Variants in HIPK2 observed in about 807,000 individuals in gnomAD.
HIPK2 encodes the protein homeodomain interacting protein kinase 2, also known as homeodomain-interacting protein kinase 2.
A neutral mutation model predicts 113.7 loss-of-function variants in HIPK2; 27 were observed. The ratio of observed to expected loss-of-function variants is 0.24; its 90% confidence interval spans 0.17 to 0.33. The LOEUF is 0.33. Ranked by LOEUF, HIPK2 falls within the 10% of genes least tolerant of loss-of-function variation. The pLI is 1.00. For synonymous variants in HIPK2, 631 were observed against 642.2 expected, an observed-to-expected ratio of 0.98 and a Z score of 0.26; for missense variants, 1,257 against 1,588.0, an observed-to-expected ratio of 0.79 and a Z score of 3.54.
chr7:139,610,512 A>G (rs1463075970), intron 9 of HIPK2, among the ~76,000 whole-genome samples: 1 of 152,214 alleles, frequency 6.6e-6, no homozygotes, highest in Non-Finnish European at 1.5e-5. Flanking sequence ...TTGGAGAGAG[A>G]GGAACGAAGA....
chr7:139,695,889 G>A (rs1369222371), intron 2 of HIPK2, among the ~76,000 whole-genome samples: 2 of 152,144 alleles, frequency 1.3e-5, no homozygotes, highest in Non-Finnish European at 1.5e-5. Context: ...TTGGGGGAAG[G>A]GCCTAGTTCT....
At chr7:139,587,572 C>T (rs1000307977) in intron 12 of HIPK2, among the ~76,000 whole-genome samples, 12 of 149,834 alleles carry the variant, frequency 8.0e-5, no homozygotes, top group African/African-American at 2.7e-4. Context: ...TCAGTAGAGA[C>T]ACCCAGAGGG....
At chr7:139,772,416 T>C (rs1321060113) in intron 1 of HIPK2, among the ~76,000 whole-genome samples, 1 of 152,242 alleles carries the variant, frequency 6.6e-6, no homozygotes, top group Non-Finnish European at 1.5e-5. Flanking sequence ...GGCAAGGATA[T>C]AAAATTTAAG....
intron 6 of HIPK2, among the ~76,000 whole-genome samples, chr7:139,625,065 T>C (rs1800379052): frequency 6.6e-6 from 1 of 152,162 alleles, no homozygotes; most frequent in Non-Finnish European, 1.5e-5. Flanking sequence ...TCCCTCAACT[T>C]TTCTCCATGA....
chr7:139,759,325 T>C (rs1209701531), intron 1 of HIPK2, among the ~76,000 whole-genome samples: 2 of 152,244 alleles, frequency 1.3e-5, no homozygotes, highest in African/African-American at 2.4e-5. Flanking sequence ...CACTTTCACA[T>C]ACTGCTTGCA....
At position 139,714,491 on chromosome 7, in the gene HIPK2, A is replaced by G. The variant is rs567862770; in HGVS notation, c.1103+1441T>C. 2.0e-5 allele frequency among the ~76,000 whole-genome samples: 3 copies of G among 152,246 alleles called. No individual in the cohort carries two copies. Among genetic ancestry groups the G allele is most frequent in the East Asian group, 3.9e-4 (2 of 5,172 alleles). On this transcript the variant is annotated intron_variant, in intron 2 of 14. Coordinates refer to ENST00000406875, the MANE Select transcript of HIPK2 (RefSeq NM_022740.5). The surrounding 1 kb of genome is among the most constrained non-coding windows in gnomAD (Gnocchi z 4.2). ...CTGCAGCCAGGATGGGGGCCCGGAC[A>G]GGGAGCAAGAAGGGGAAGCTGGCCC...
At chr7:139,742,643 T>C (rs764458639) in intron 1 of HIPK2, among the ~76,000 whole-genome samples, 3 of 152,214 alleles carry the variant, frequency 2.0e-5, no homozygotes, top group Admixed American at 1.3e-4. Flanking sequence ...TCATTCCAAA[T>C]GGACAGCAGA....
At chr7:139,760,287 A>T (rs1796443086) in intron 1 of HIPK2, among the ~76,000 whole-genome samples, 1 of 151,756 alleles carries the variant, frequency 6.6e-6, no homozygotes, top group South Asian at 2.1e-4. Flanking sequence ...TACAGGCGTG[A>T]GCCACCGCAC....
At chr7:139,685,475 A>G (rs1043172501) in intron 2 of HIPK2, among the ~76,000 whole-genome samples, 8 of 152,174 alleles carry the variant, frequency 5.3e-5, no homozygotes, top group African/African-American at 1.7e-4. Context: ...CAGGTTTTCA[A>G]TGTAGATGAA....
chr7:139,771,806 G>A (rs575141982), intron 1 of HIPK2, among the ~76,000 whole-genome samples: 2 of 152,224 alleles, frequency 1.3e-5, no homozygotes, highest in African/African-American at 2.4e-5. Flanking sequence ...ACACAAAACC[G>A]GCTCTGTGAG....
intron 1 of HIPK2, among the ~76,000 whole-genome samples, chr7:139,752,625 T>C (rs1010444290): frequency 2.0e-5 from 3 of 152,076 alleles, no homozygotes; most frequent in Non-Finnish European, 4.4e-5. Context: ...TCTTTTCTTT[T>C]TGAGGACACG....
chr7:139,717,030 A>G lies in HIPK2; in HGVS notation c.20-15T>C. The G allele has an allele frequency of 6.3e-7, 1 of 1,599,330 alleles. No individual in the cohort carries two copies. Among genetic ancestry groups the G allele is most frequent in the Non-Finnish European group, 8.5e-7 (1 of 1,169,748 alleles). On this transcript the variant is annotated splice_polypyrimidine_tract_variant and intron_variant, in intron 1 of 14. Coordinates refer to ENST00000406875, the MANE Select transcript of HIPK2 (RefSeq NM_022740.5). The stretch of plus-strand genomic sequence containing the variant: ...TGAGGCCATACCTACAAGGAAAGGA[A>G]AACGAAAAGTAAGTATCGGAGTCAC...
At chr7:139,685,035 A>G (rs1011338939) in intron 2 of HIPK2, among the ~76,000 whole-genome samples, 1 of 152,250 alleles carries the variant, frequency 6.6e-6, no homozygotes, top group East Asian at 1.9e-4. Context: ...AGGTTGGTTC[A>G]TAAGGTTTAA....
intron 2 of HIPK2, among the ~76,000 whole-genome samples, chr7:139,651,025 G>A (rs1801439906): frequency 6.6e-6 from 1 of 152,210 alleles, no homozygotes. Context: ...GAATTTTGAG[G>A]TACTTCGTTA....
chr7:139,729,622 T>G (rs1795710865), intron 1 of HIPK2, among the ~76,000 whole-genome samples: 1 of 152,182 alleles, frequency 6.6e-6, no homozygotes, highest in African/African-American at 2.4e-5. Flanking sequence ...CAACACTGCA[T>G]TTTCTTTCCA....
At chr7:139,573,425 G>T (rs1454596974) in intron 14 of HIPK2, 28 bp from the exon 15 acceptor site, 7 of 1,593,070 alleles carry the variant, frequency 4.4e-6, no homozygotes, top group Middle Eastern at 1.9e-4. Context: ...CAAGAGAGAC[G>T]TCAGGGGCCG....
chr7:139,717,982 G>A (rs1795298316), intron 1 of HIPK2, among the ~76,000 whole-genome samples: 1 of 152,090 alleles, frequency 6.6e-6, no homozygotes, highest in South Asian at 2.1e-4. Context: ...GACCTCAGGT[G>A]ATCCACCCGC....
intron 2 of HIPK2, among the ~76,000 whole-genome samples, chr7:139,678,199 T>G (rs1802571076): frequency 6.6e-6 from 1 of 152,252 alleles, no homozygotes; most frequent in Admixed American, 6.5e-5. Context: ...TAGTTTCTTT[T>G]GCTGTGCAGA....
intron 2 of HIPK2, among the ~76,000 whole-genome samples, chr7:139,678,836 T>C (rs542302320): frequency 2.7e-4 from 41 of 152,356 alleles, no homozygotes; most frequent in Middle Eastern, 6.8e-3. Flanking sequence ...TTCTATTTCA[T>C]TGAGCAGTGG....
Sources: gnomAD v4.1 joint callset for allele counts (sites outside exome capture counted in the v4.1 genomes callset) on GRCh38, gnomAD v4.1.1 for gene constraint, Gnocchi (gnomAD v3.1) non-coding constraint, MANE v1.5 for transcripts, NCBI Gene and HGNC (gene_info 2026-07-23, HGNC 2026-07-21) for gene names.